RELN: variants seen among roughly 807,000 people sequenced by gnomAD.
RELN encodes reelin.
A neutral mutation model predicts 427.6 loss-of-function variants in RELN; 108 were observed. The observed-to-expected ratio is 0.25, with a 90% CI of 0.22 to 0.30. The LOEUF is 0.30. Ranked by LOEUF, RELN falls within the 10% of genes least tolerant of loss-of-function variation. The pLI, the probability that RELN is intolerant of heterozygous loss-of-function variation, is 1.00. For synonymous variants in RELN, 1,524 were observed against 1,513.4 expected (o/e 1.01, Z -0.16); for missense variants, 3,715 against 4,302.8 (o/e 0.86, Z 3.82).
chr7:103,868,335 T>C (rs555041952), intron 2 of RELN, among the ~76,000 whole-genome samples: 2 of 152,222 alleles, frequency 1.3e-5, no homozygotes, highest in South Asian at 4.1e-4. Context: ...TCTATGTCTG[T>C]GTTAAGATAA....
intron 27 of RELN, among the ~76,000 whole-genome samples, chr7:103,590,863 C>T (rs1178309496): frequency 1.3e-5 from 2 of 152,178 alleles, no homozygotes; most frequent in African/African-American, 2.4e-5. Flanking sequence ...AGTTATTACA[C>T]ATCTAGAGCT....
At chr7:103,672,858 T>C (rs577878596) in intron 11 of RELN, among the ~76,000 whole-genome samples, 99 of 152,320 alleles carry the variant, frequency 6.5e-4, no homozygotes, top group African/African-American at 2.2e-3. Context: ...CCATGCTTTA[T>C]GCAAAGTGCT....
chr7:103,811,707 C>T (rs906270561), intron 3 of RELN, among the ~76,000 whole-genome samples: 1 of 152,124 alleles, frequency 6.6e-6, no homozygotes, highest in African/African-American at 2.4e-5. Context: ...TAGAAACAGG[C>T]AATGTTTGGT....
intron 3 of RELN, among the ~76,000 whole-genome samples, chr7:103,800,166 G>A (rs139131955): frequency 1.1e-3 from 160 of 152,254 alleles, no homozygotes; most frequent in Middle Eastern, 3.4e-3. Flanking sequence ...TAAATAAAGC[G>A]TATTCAGTTA....
In RELN at chr7:103,486,300, C is replaced by T. The variant is rs767174708; in HGVS notation, c.9880G>A (p.Gly3294Ser). The change falls in exon 61 of 65, where the codon GGC becomes AGC. Residue 3294 changes from glycine (G) to serine (S), a missense_variant. By Grantham distance (56) the Gly-to-Ser change is moderately conservative. Coordinates refer to ENST00000428762, the MANE Select transcript of RELN (RefSeq NM_005045.4). The part of the protein sequence containing the change: ...ETIQGGVIGS[G>S]CGQLAPYAHG... ...GCGTAGGGGGCCAGCTGCCCACAGC[C>T]ACTTCCTATGACTCCACCTTGAATG... 1 of 1,614,170 alleles carries T rather than the reference C, an allele frequency of 6.2e-7. No individual in the cohort carries two copies. Among genetic ancestry groups the T allele is most frequent in the South Asian group, 1.1e-5 (1 of 91,082 alleles).
intron 1 of RELN, among the ~76,000 whole-genome samples, chr7:103,938,148 C>T: frequency 6.6e-6 from 1 of 152,094 alleles, no homozygotes; most frequent in East Asian, 1.9e-4. Context: ...TGGTAAAACC[C>T]TGTCTCTACT....
At chr7:103,983,991 G>A (rs996596978) in intron 1 of RELN, among the ~76,000 whole-genome samples, 3 of 152,018 alleles carry the variant, frequency 2.0e-5, no homozygotes, top group African/African-American at 7.2e-5. Context: ...AGGGGTCATT[G>A]CATCAGCAAC....
rs1413901783 is a variant in RELN at position 103,563,184 on chromosome 7, A to T, written c.5211-1231T>A. Among the ~76,000 whole-genome samples, 1 of 152,192 alleles carries T rather than the reference A, an allele frequency of 6.6e-6. No individual in the cohort carries two copies. On this transcript the variant is annotated intron_variant, in intron 34 of 64. Transcript: ENST00000428762. The surrounding 1 kb of genome is among the most constrained non-coding windows in gnomAD (Gnocchi z 4.1). Reference sequence around the variant, plus strand: ...TCTGGTATCATCTTATAGCATAAACAGCTGCTTAGAGGTTTGTTATCCTAA... The same window carrying T: ...TCTGGTATCATCTTATAGCATAAACTGCTGCTTAGAGGTTTGTTATCCTAA...
chr7:103,560,866 T>C (rs1043244095), intron 36 of RELN, among the ~76,000 whole-genome samples: 3 of 152,216 alleles, frequency 2.0e-5, no homozygotes, highest in Non-Finnish European at 4.4e-5. Flanking sequence ...AGGTGTTAGA[T>C]GTTAATCATT....
At chr7:103,611,170 G>T (rs1288189851) in intron 21 of RELN, among the ~76,000 whole-genome samples, 1 of 152,156 alleles carries the variant, frequency 6.6e-6, no homozygotes, top group African/African-American at 2.4e-5. Flanking sequence ...TGCAATGGCA[G>T]ATTGCTAAGA....
At chr7:103,947,116 G>T (rs1796236327) in intron 1 of RELN, among the ~76,000 whole-genome samples, 1 of 152,176 alleles carries the variant, frequency 6.6e-6, no homozygotes, top group African/African-American at 2.4e-5. Flanking sequence ...CTAAACAACA[G>T]TCATAATGCT....
chr7:103,925,974 GT>G (rs899156795), intron 1 of RELN, among the ~76,000 whole-genome samples: 34 of 150,614 alleles, frequency 2.3e-4, no homozygotes, highest in Admixed American at 1.5e-3. Context: ...TTTCTATTAT[GT>G]TTTTTTTACG....
At position 103,553,511 on chromosome 7, in the gene RELN, T is replaced by C; in HGVS notation, c.6022A>G (p.Ile2008Val). The C allele has an allele frequency of 4.3e-6, 7 of 1,614,084 alleles. No homozygotes were observed. Among genetic ancestry groups the C allele is most frequent in the Non-Finnish European group, 4.2e-6 (5 of 1,179,964 alleles). The change falls in exon 40 of 65, where the codon ATT (isoleucine) becomes GTT (valine). Residue 2008 changes from isoleucine (I) to valine (V), a missense_variant. Coordinates refer to ENST00000428762, the MANE Select transcript of RELN (RefSeq NM_005045.4). ...TTCACATTTAGGTCACGGGTGGTAATGGAATGCTCACCAACTTCATTTGAA... is the reference window on the plus strand; with the variant it reads ...TTCACATTTAGGTCACGGGTGGTAACGGAATGCTCACCAACTTCATTTGAA... The part of the protein sequence containing the change: ...FVSNEVGEHS[I>V]TTRDLNVNEN...
intron 17 of RELN, among the ~76,000 whole-genome samples, chr7:103,639,439 G>A (rs1469139059): frequency 7.9e-5 from 11 of 138,744 alleles, no homozygotes; most frequent in Non-Finnish European, 1.1e-4. Flanking sequence ...TCACTCTGTC[G>A]CCCAGGCTGG....
rs146877597 is a variant in RELN, at chr7:103,545,127, C to T, written c.6520G>A (p.Glu2174Lys). ...AGAATTTGTAAGAAAAGACTACCTTCGAAATCATCTTTGAGAAAATCAGGA... is the reference window on the plus strand; with the variant it reads ...AGAATTTGTAAGAAAAGACTACCTTTGAAATCATCTTTGAGAAAATCAGGA... Reference protein sequence around the residue: ...KNPDFLKDDFEGQLESDRFLL... With the variant: ...KNPDFLKDDFKGQLESDRFLL... Residue 2174 changes from glutamate (E) to lysine (K), a missense_variant, in exon 42 of 65, where the codon GAA (glutamate) becomes AAA (lysine). By Grantham distance (56) the Glu-to-Lys change is moderately conservative (BLOSUM62 1). Transcript: ENST00000428762. The T allele has an allele frequency of 6.6e-4, 1,057 of 1,612,502 alleles. No individual in the cohort carries two copies. Among genetic ancestry groups the T allele is most frequent in the Non-Finnish European group, 7.8e-4 (915 of 1,179,274 alleles).
intron 20 of RELN, among the ~76,000 whole-genome samples, chr7:103,622,451 C>T (rs1019369813): frequency 9.2e-5 from 14 of 152,206 alleles, no homozygotes; most frequent in Non-Finnish European, 1.6e-4. Flanking sequence ...TCCTATTCTC[C>T]ACAAGGCAAC....
chr7:103,568,045 C>T (rs1000408084), intron 31 of RELN, among the ~76,000 whole-genome samples: 2 of 152,160 alleles, frequency 1.3e-5, no homozygotes, highest in African/African-American at 4.8e-5. Context: ...GATCTGCCTG[C>T]CTCAGCCTCC....
chr7:103,755,953 A>T (rs1016191663), intron 4 of RELN, among the ~76,000 whole-genome samples: 4 of 152,204 alleles, frequency 2.6e-5, no homozygotes, highest in Admixed American at 2.6e-4. Flanking sequence ...GAACTTTTCA[A>T]ATTATTTCAC....
chr7:103,594,562 C>T, intron 25 of RELN, 70 bp from the exon 26 acceptor site: 1 of 1,485,916 alleles, frequency 6.7e-7, no homozygotes, highest in Admixed American at 1.7e-5. Context: ...GCTATTAAAA[C>T]AACAAGGGTA....
Sources: allele counts gnomAD v4.1 joint callset (sites outside exome capture counted in the v4.1 genomes callset), GRCh38; gene constraint gnomAD v4.1.1; non-coding constraint Gnocchi (gnomAD v3.1); transcripts MANE v1.5; gene names NCBI Gene and HGNC (gene_info 2026-07-23, HGNC 2026-07-21).